The following PTPRN2 variants were observed in gnomAD, a reference collection of about 807,000 sequenced individuals.
PTPRN2 encodes the protein receptor-type tyrosine-protein phosphatase N2.
A neutral mutation model predicts 118.8 loss-of-function variants in PTPRN2; 74 were observed. The ratio of observed to expected loss-of-function variants is 0.62; its 90% CI spans 0.52 to 0.76. PTPRN2 has a LOEUF of 0.76. Among genes scored for constraint, PTPRN2 ranks in the 30% least tolerant of loss-of-function variants. The pLI is 0.00. For missense variants in PTPRN2, 1,481 were observed against 1,394.4 expected, an observed-to-expected ratio of 1.06 and a Z score of -0.99; for synonymous variants, 641 against 608.0, an observed-to-expected ratio of 1.05 and a Z score of -0.80.
rs1426751720 is a variant in PTPRN2, at chr7:157,861,260, A to G, written c.1788+37413T>C. Among the ~76,000 whole-genome samples the G allele has an allele frequency of 1.3e-5, 2 of 152,244 alleles. No homozygotes were observed. The highest frequency in any genetic ancestry group is 2.1e-4 in the South Asian group (1 of 4,834). On this transcript the variant is annotated intron_variant, in intron 12 of 22. Coordinates refer to ENST00000389418, the MANE Select transcript of PTPRN2 (RefSeq NM_002847.5). The surrounding 1 kb of genome is among the most constrained non-coding windows in gnomAD (Gnocchi z 5.8). ...CCTTTTACATACGTGAAGTCTATAC[A>G]ATAATGGAACCGAAGCCCTCTGTGG...
At chr7:157,752,590 T>C (rs558285189) in intron 12 of PTPRN2, among the ~76,000 whole-genome samples, 1 of 152,280 alleles carries the variant, frequency 6.6e-6, no homozygotes, top group South Asian at 2.1e-4. Flanking sequence ...CCCATCCTCG[T>C]CTTATCAAAT....
chr7:158,498,098 T>C (rs949312851), intron 1 of PTPRN2, among the ~76,000 whole-genome samples: 5 of 152,248 alleles, frequency 3.3e-5, no homozygotes, highest in African/African-American at 7.2e-5. Context: ...AAGGTCCTCC[T>C]CACGTCTTTG....
At chr7:158,387,863 C>A (rs1811618282) in intron 2 of PTPRN2, among the ~76,000 whole-genome samples, 1 of 152,144 alleles carries the variant, frequency 6.6e-6, no homozygotes, top group African/African-American at 2.4e-5. Context: ...GAATTCCCAG[C>A]CCACCAGCTG....
In PTPRN2 at chr7:157,845,231, C is replaced by T. The variant is rs1808712391; in HGVS notation, c.1788+53442G>A. Among the ~76,000 whole-genome samples, 1 of 152,160 alleles carries T rather than the reference C, an allele frequency of 6.6e-6. No individual in the cohort carries two copies. The highest frequency in any genetic ancestry group is 6.6e-5 in the Admixed American group (1 of 15,266). On this transcript the variant is annotated intron_variant, in intron 12 of 22. Transcript: ENST00000389418. This position sits in a 1 kb window ranked among gnomAD's most constrained non-coding sequence, Gnocchi z 4.5. ...GCTAATGTAATGAATACACTAGCAC[C>T]CTTAGCCAGCTGTAGGAAAAAAATG...
intron 14 of PTPRN2, among the ~76,000 whole-genome samples, chr7:157,644,912 G>A (rs991122562): frequency 5.3e-5 from 8 of 152,078 alleles, no homozygotes; most frequent in African/African-American, 9.7e-5. Context: ...ACACGGGCCC[G>A]AGCTACCCAG....
chr7:157,542,151 T>G lies in PTPRN2; in HGVS notation c.2977-1366A>C, dbSNP rs531313022. 9.2e-4 allele frequency among the ~76,000 whole-genome samples: 140 copies of G among 152,280 alleles called. No homozygotes were observed. The East Asian group carries it at 0.027, about 29-fold the overall frequency. On this transcript the variant is annotated intron_variant, in intron 22 of 22. Coordinates refer to ENST00000389418, the MANE Select transcript of PTPRN2 (RefSeq NM_002847.5). ...GTGGGGGCAGGGGCTCAGGTCGGGC[T>G]GTGCCGGGAAGGTCCGCAAACGTTC...
At chr7:157,553,779 T>A (rs1263820548) in intron 21 of PTPRN2, among the ~76,000 whole-genome samples, 1 of 152,244 alleles carries the variant, frequency 6.6e-6, no homozygotes, top group Non-Finnish European at 1.5e-5. Flanking sequence ...AACTGTCTGC[T>A]GTGGACGGCT....
rs1823115879 is a variant in PTPRN2 at position 158,167,250 on chromosome 7, G to C, written c.591C>G (p.Ala197=). The change falls in exon 6 of 23, where the codon GCC becomes GCG. Residue 197 remains alanine, a synonymous_variant. Transcript: ENST00000389418. ...GAGGGTAGGTCAGCGCAGACGTGTGGGCCACATAGGTCAGGATGCTCTCGG... is the reference window on the plus strand; with the variant it reads ...GAGGGTAGGTCAGCGCAGACGTGTGCGCCACATAGGTCAGGATGCTCTCGG... ...RFSESILTYV[A]HTSALTYPPG... 6.2e-7 allele frequency: 1 copy of C among 1,612,270 alleles called. No homozygotes were observed. The highest frequency in any genetic ancestry group is 1.7e-4 in the Middle Eastern group (1 of 6,054).
chr7:158,038,790 T>C (rs929067899), intron 11 of PTPRN2, among the ~76,000 whole-genome samples: 3 of 150,138 alleles, frequency 2.0e-5, no homozygotes, highest in South Asian at 2.1e-4. Flanking sequence ...ATGTAAAATA[T>C]GTATTTCTAG....
Position 157,568,818 on chromosome 7 carries a change from T to C in PTPRN2, c.2902+84A>G, listed in dbSNP as rs573241200. The C allele has an allele frequency of 8.8e-4, 1,243 of 1,409,936 alleles. 20 individuals are homozygous for C. In the South Asian group the frequency reaches 0.014, roughly 16 times the overall value. 87.3% of individuals were successfully genotyped at this position (1,409,936 alleles called of 1,614,324 possible). ...CAAGCAGCGAATTTTTTCCAGGGCC[T>C]CCCGTGAACACGGCACCCTACGTTG... On this transcript the variant is annotated intron_variant, in intron 21 of 22. Transcript: ENST00000389418.
chr7:158,151,744 T>G (rs1254159394), intron 6 of PTPRN2, among the ~76,000 whole-genome samples: 1 of 152,150 alleles, frequency 6.6e-6, no homozygotes, highest in Non-Finnish European at 1.5e-5. Flanking sequence ...ATTCTTTCCT[T>G]CCTTCCTGCC....
intron 2 of PTPRN2, among the ~76,000 whole-genome samples, chr7:158,396,188 C>A (rs914758308): frequency 6.6e-6 from 1 of 152,168 alleles, no homozygotes; most frequent in Non-Finnish European, 1.5e-5. Flanking sequence ...CGGGAGACAG[C>A]GCCCAGCCAG....
intron 2 of PTPRN2, among the ~76,000 whole-genome samples, chr7:158,432,575 A>G (rs1816300019): frequency 6.6e-6 from 1 of 152,242 alleles, no homozygotes; most frequent in South Asian, 2.1e-4. Flanking sequence ...ATATGTTTTC[A>G]AGCTCCTGGA....
At chr7:158,053,958 C>G (rs1265167242) in intron 11 of PTPRN2, among the ~76,000 whole-genome samples, 1 of 151,188 alleles carries the variant, frequency 6.6e-6, no homozygotes, top group Non-Finnish European at 1.5e-5. Context: ...TGCAGAGACC[C>G]CAGAGATGCA....
At chr7:158,323,497 C>A (rs1204556108) in intron 2 of PTPRN2, among the ~76,000 whole-genome samples, 3 of 152,172 alleles carry the variant, frequency 2.0e-5, no homozygotes, top group Non-Finnish European at 4.4e-5. Context: ...GGACAATGGA[C>A]ACAAAAGCTT....
intron 1 of PTPRN2, among the ~76,000 whole-genome samples, chr7:158,561,331 G>C (rs1035429376): frequency 6.6e-6 from 1 of 152,036 alleles, no homozygotes; most frequent in Admixed American, 6.6e-5. Context: ...ATAAACCCCT[G>C]CCTGAGAAAA....
At chr7:158,478,138 G>A (rs1820399603) in intron 2 of PTPRN2, among the ~76,000 whole-genome samples, 2 of 152,236 alleles carry the variant, frequency 1.3e-5, no homozygotes, top group Non-Finnish European at 2.9e-5. Flanking sequence ...AGAGTGGGCT[G>A]AGTGGGTCAT....
chr7:157,811,332 T>TTATATATATTTTTATATATATA, intron 12 of PTPRN2, among the ~76,000 whole-genome samples: 1 of 131,290 alleles, frequency 7.6e-6, no homozygotes, highest in African/African-American at 2.8e-5. Context: ...ATCTACTCTA[T>TTATATATATTTTTATATATATA]TATATATATA....
At chr7:158,459,447 C>T (rs1818799940) in intron 2 of PTPRN2, among the ~76,000 whole-genome samples, 1 of 152,056 alleles carries the variant, frequency 6.6e-6, no homozygotes, top group African/African-American at 2.4e-5. Flanking sequence ...CTGCCTGGGA[C>T]GAACGGGCTC....
Sources: allele counts gnomAD v4.1 joint callset (sites outside exome capture counted in the v4.1 genomes callset), GRCh38; gene constraint gnomAD v4.1.1; non-coding constraint Gnocchi (gnomAD v3.1); transcripts MANE v1.5; gene names NCBI Gene and HGNC (gene_info 2026-07-23, HGNC 2026-07-21).